The following DTYMK variants were observed in gnomAD, a reference collection of about 807,000 sequenced individuals.
DTYMK encodes the protein thymidylate kinase.
Under a neutral mutation model 20.3 loss-of-function variants are expected in DTYMK, and 20 were observed. The ratio of observed to expected loss-of-function variants is 0.99; its 90% CI spans 0.69 to 1.43. The LOEUF is 1.43. Ranked by LOEUF, DTYMK falls within the 40% of genes most tolerant of loss-of-function variation. DTYMK has a pLI of 0.00. For synonymous variants in DTYMK, 148 were observed against 124.4 expected (o/e 1.19, Z -1.27); for missense variants, 320 against 291.1 (o/e 1.10, Z -0.72).
chr2:241,675,980 G>A lies in DTYMK; in HGVS notation c.*147C>T, dbSNP rs2069103444. The A allele has an allele frequency of 1.3e-6, 1 of 773,066 alleles. No homozygotes were observed. The highest frequency in any genetic ancestry group is 2.0e-6 in the Non-Finnish European group (1 of 508,736). The allele number at this position is 773,066 out of a possible 1,614,324, so 47.9% of individuals were successfully genotyped here. On this transcript the variant is annotated 3_prime_UTR_variant, in exon 5 of 5. Coordinates refer to ENST00000305784, the MANE Select transcript of DTYMK (RefSeq NM_012145.4). Reference sequence around the variant, plus strand: ...GTCCCCAGTGCACCCCAGCTCCGGGGCAGAAGAGGCAGCCTGCAGATCTCT... The same window carrying A: ...GTCCCCAGTGCACCCCAGCTCCGGGACAGAAGAGGCAGCCTGCAGATCTCT...
At chr2:241,680,408 G>T (rs112883255) in intron 2 of DTYMK, 89 bp from the exon 3 acceptor site, 1 of 1,412,340 alleles carries the variant, frequency 7.1e-7, no homozygotes, top group South Asian at 1.2e-5. Flanking sequence ...TGTGCGCAGT[G>T]GCTCACCCCT....
intron 2 of DTYMK, among the ~76,000 whole-genome samples, chr2:241,683,152 A>G (rs1162922103): frequency 1.3e-5 from 2 of 152,206 alleles, no homozygotes; most frequent in East Asian, 3.8e-4. Flanking sequence ...ATGGCAAACA[A>G]GCATATGAAA....
At chr2:241,678,374 C>T (rs2069163220) in intron 4 of DTYMK, 78 bp downstream of exon 4, 4 of 1,584,026 alleles carry the variant, frequency 2.5e-6, no homozygotes, top group African/African-American at 2.7e-5. Flanking sequence ...GCTTTGCTGA[C>T]ACAACTGTGC....
At chr2:241,679,343 T>A (rs1214777314) in intron 3 of DTYMK, among the ~76,000 whole-genome samples, 1 of 152,064 alleles carries the variant, frequency 6.6e-6, no homozygotes, top group African/African-American at 2.4e-5. Flanking sequence ...CCACAGAGCC[T>A]GCGGCTCTGT....
chr2:241,686,788 G>C lies in DTYMK; in HGVS notation c.-5C>G, dbSNP rs2069430327. The stretch of plus-strand genomic sequence containing the variant: ...AGCCCCGCGCCGGGCCGCCATGACT[G>C]TCCACCGCCCGCCGCTGGCGTCTCC... On this transcript the variant is annotated 5_prime_UTR_variant, in exon 1 of 5. Coordinates refer to ENST00000305784, the MANE Select transcript of DTYMK (RefSeq NM_012145.4). The C allele has an allele frequency of 2.1e-6, 3 of 1,449,992 alleles. No homozygotes were observed. Among genetic ancestry groups the C allele is most frequent in the East Asian group, 2.7e-5 (1 of 36,456 alleles). The allele number at this position is 1,449,992 out of a possible 1,614,324, so 89.8% of individuals were successfully genotyped here.
intron 2 of DTYMK, chr2:241,682,740 GAC>G (rs2069289933): frequency 6.0e-6 from 1 of 167,800 alleles, no homozygotes; most frequent in Non-Finnish European, 1.3e-5. Context: ...TGGCCAACAT[GAC>G]GAAACCCCAT....
At chr2:241,685,565 G>A in intron 2 of DTYMK, 1 of 495,018 alleles carries the variant, frequency 2.0e-6, no homozygotes, top group Non-Finnish European at 3.6e-6. Context: ...ATGGGGTGTG[G>A]GGAGCAGGAG....
At chr2:241,678,426 C>G (rs767602567) in intron 4 of DTYMK, 26 bp downstream of exon 4, 2 of 1,613,856 alleles carry the variant, frequency 1.2e-6, no homozygotes, top group Admixed American at 1.7e-5. Context: ...TCCACGCTTC[C>G]TAGTGTGCAA....
At chr2:241,683,779 C>T (rs1431952798) in intron 2 of DTYMK, among the ~76,000 whole-genome samples, 13 of 152,250 alleles carry the variant, frequency 8.5e-5, no homozygotes, top group African/African-American at 2.9e-4. Context: ...AACTATTGGT[C>T]GGGCATGGTG....
intron 2 of DTYMK, among the ~76,000 whole-genome samples, chr2:241,681,394 C>G (rs2069253722): frequency 6.6e-6 from 1 of 152,146 alleles, no homozygotes; most frequent in Non-Finnish European, 1.5e-5. Context: ...AACATAAATT[C>G]AAAATGAATC....
intron 1 of DTYMK, 149 bp from the exon 2 acceptor site, chr2:241,686,026 G>C (rs2069388193): frequency 1.4e-6 from 1 of 720,756 alleles, no homozygotes; most frequent in Middle Eastern, 2.5e-4. Context: ...ATCTTCTGCG[G>C]AAGCCAAAGG....
chr2:241,686,690 C>A lies in DTYMK; in HGVS notation c.94G>T (p.Ala32Ser). 1 of 1,535,344 alleles carries A rather than the reference C, an allele frequency of 6.5e-7. No individual in the cohort carries two copies. Among genetic ancestry groups the A allele is most frequent in the Non-Finnish European group, 8.7e-7 (1 of 1,152,530 alleles). Residue 32 changes from alanine to serine, a missense_variant, in exon 1 of 5, where the codon GCC (alanine) becomes TCC (serine). Ala to Ser is a moderately conservative substitution (Grantham distance 99, BLOSUM62 1). Transcript: ENST00000305784. ...AGCAGTTCGGCGCGGTGGCCCGCGGCGCACAGCGCTTCCACCAGCTTGCGG... is the reference window on the plus strand; with the variant it reads ...AGCAGTTCGGCGCGGTGGCCCGCGGAGCACAGCGCTTCCACCAGCTTGCGG... ...QSRKLVEALC[A>S]AGHRAELLRF...
At chr2:241,678,997 T>C (rs1394879019) in intron 3 of DTYMK, among the ~76,000 whole-genome samples, 1 of 152,156 alleles carries the variant, frequency 6.6e-6, no homozygotes, top group Non-Finnish European at 1.5e-5. Flanking sequence ...ACCCCCGGCC[T>C]AGAACGCCTG....
At chr2:241,685,648 CAGA>C in intron 2 of DTYMK, 118 bp downstream of exon 2, 2 of 1,089,642 alleles carry the variant, frequency 1.8e-6, no homozygotes, top group Non-Finnish European at 2.7e-6. Flanking sequence ...GACTGCTAAA[CAGA>C]AGAACATCAG....
chr2:241,677,852 C>A (rs1049855728), intron 4 of DTYMK, among the ~76,000 whole-genome samples: 1 of 152,240 alleles, frequency 6.6e-6, no homozygotes, highest in Non-Finnish European at 1.5e-5. Flanking sequence ...CCAGAGGACA[C>A]AGTGGCAGGA....
intron 3 of DTYMK, among the ~76,000 whole-genome samples, chr2:241,679,358 T>A (rs1381175153): frequency 6.6e-6 from 1 of 152,156 alleles, no homozygotes; most frequent in African/African-American, 2.4e-5. Flanking sequence ...CTCTGTCAGC[T>A]GATCCGCACA....
intron 4 of DTYMK, 93 bp downstream of exon 4, chr2:241,678,359 C>G (rs1268114552): frequency 1.2e-5 from 18 of 1,552,052 alleles, no homozygotes; most frequent in Non-Finnish European, 1.3e-5. Context: ...ACGGAAACGG[C>G]AGCAGCTTTG....
Position 241,675,999 on chromosome 2 carries a change from G to T in DTYMK, c.*128C>A. ...TCCGGGGCAGAAGAGGCAGCCTGCAGATCTCTGCTGCCGGGAAAGAGCTCC... is the reference window on the plus strand; with the variant it reads ...TCCGGGGCAGAAGAGGCAGCCTGCATATCTCTGCTGCCGGGAAAGAGCTCC... On this transcript the variant is annotated 3_prime_UTR_variant, in exon 5 of 5. Coordinates refer to ENST00000305784, the MANE Select transcript of DTYMK (RefSeq NM_012145.4). The T allele has an allele frequency of 9.8e-6, 9 of 921,544 alleles. No homozygotes were observed. The highest frequency in any genetic ancestry group is 1.4e-5 in the Non-Finnish European group (9 of 639,304). 57.1% of individuals were successfully genotyped at this position (921,544 alleles called of 1,614,324 possible).
chr2:241,682,913 A>T (rs940135316), intron 2 of DTYMK: 1 of 156,590 alleles, frequency 6.4e-6, no homozygotes, highest in African/African-American at 2.4e-5. Flanking sequence ...GACAAGAATG[A>T]AACTGTCTCG....
Sources: allele counts gnomAD v4.1 joint callset (sites outside exome capture counted in the v4.1 genomes callset), GRCh38; gene constraint gnomAD v4.1.1; transcripts MANE v1.5; gene names NCBI Gene and HGNC (gene_info 2026-07-23, HGNC 2026-07-21).